The following BRD3 variants were observed in gnomAD, a reference collection of about 807,000 sequenced individuals.
BRD3 encodes the protein bromodomain-containing protein 3.
Under a neutral mutation model 66.8 loss-of-function variants are expected in BRD3, and 17 were observed. The observed-to-expected ratio is 0.25, with a 90% confidence interval of 0.17 to 0.38. The LOEUF (loss-of-function observed/expected upper bound fraction) is 0.38, where lower values mean the gene tolerates loss of function less well. Ranked by LOEUF, BRD3 falls within the 10% of genes least tolerant of loss-of-function variation. The pLI, the probability that BRD3 is intolerant of heterozygous loss-of-function variation, is 1.00. For missense variants in BRD3, 713 were observed against 956.1 expected (o/e 0.75, Z 3.35); for synonymous variants, 421 against 393.2 (o/e 1.07, Z -0.84).
intron 8 of BRD3, 25 bp downstream of exon 8, chr9:134,041,735 C>T (rs985046605): frequency 1.2e-6 from 2 of 1,604,338 alleles, no homozygotes; most frequent in Non-Finnish European, 1.7e-6. Flanking sequence ...GCCCCTGAAC[C>T]CCACCCAAGC....
chr9:134,048,038 G>A (rs202231410), intron 6 of BRD3, 45 bp downstream of exon 6: 155 of 1,504,758 alleles, frequency 1.0e-4, no homozygotes, highest in Non-Finnish European at 1.4e-4. Context: ...CCACGGCAGA[G>A]CCGCAGGACA....
chr9:134,047,614 C>T (rs1184256403), intron 6 of BRD3, among the ~76,000 whole-genome samples: 7 of 152,184 alleles, frequency 4.6e-5, no homozygotes, highest in East Asian at 1.9e-4. Flanking sequence ...GTCCCGCTTC[C>T]GTCTTGTGAG....
At chr9:134,047,608 C>T (rs1417514682) in intron 6 of BRD3, among the ~76,000 whole-genome samples, 6 of 152,312 alleles carry the variant, frequency 3.9e-5, no homozygotes, top group South Asian at 4.1e-4. Flanking sequence ...ACCCAGGTCC[C>T]GCTTCCGTCT....
At chr9:134,048,668 G>C (rs1042868361) in intron 5 of BRD3, among the ~76,000 whole-genome samples, 7 of 152,144 alleles carry the variant, frequency 4.6e-5, no homozygotes, top group African/African-American at 1.4e-4. Flanking sequence ...CTCTCCCTCA[G>C]GATCAACTCT....
intron 8 of BRD3, 83 bp from the exon 9 acceptor site, chr9:134,040,352 C>T (rs467379): frequency 0.31 from 463,744 of 1,475,580 alleles, 77,851 homozygotes; most frequent in East Asian, 0.6. Context: ...TTGGAGGGGG[C>T]TTGGGGCGAT....
rs571722053 is a variant in BRD3 at position 134,046,744 on chromosome 9, G to A, written c.1087-1323C>T. Among the ~76,000 whole-genome samples, 221 of 152,340 alleles carry A rather than the reference G, an allele frequency of 1.5e-3. 1 individual carries two copies. Among genetic ancestry groups the A allele is most frequent in the South Asian group, 2.1e-4 (1 of 4,830 alleles). On this transcript the variant is annotated intron_variant, in intron 6 of 11. Transcript: ENST00000303407. The stretch of plus-strand genomic sequence containing the variant: ...GCCACAGTCGCGGGCAGCAAGTGCT[G>A]CCACTGCACCTGGCTTCTCCCCATG...
chr9:134,058,214 GGGGCC>G lies in BRD3; in HGVS notation c.-113-4629_-113-4625del, dbSNP rs1236400096. 3.9e-5 allele frequency: 6 copies of G among 152,262 alleles called. No homozygotes were observed. The East Asian group carries it at 1.2e-3, about 29-fold the overall frequency. The allele number at this position is 152,262 out of a possible 1,614,324, so 9.4% of individuals were successfully genotyped here. Reference sequence around the variant, plus strand: ...GCTTCACTCATGCAAGGACATTCTGGGGGCCGGGACGTCCTAGCCAGTGGCTAGAA... The same window carrying G: ...GCTTCACTCATGCAAGGACATTCTGGGGGACGTCCTAGCCAGTGGCTAGAA... On this transcript the variant is annotated intron_variant, in intron 1 of 11. Coordinates refer to ENST00000303407, the MANE Select transcript of BRD3 (RefSeq NM_007371.4).
chr9:134,067,450 C>G (rs1830687592), intron 1 of BRD3, among the ~76,000 whole-genome samples: 1 of 149,444 alleles, frequency 6.7e-6, no homozygotes, highest in African/African-American at 2.4e-5. Flanking sequence ...GGGAAAGTGG[C>G]CCCGCGGAGC....
intron 1 of BRD3, among the ~76,000 whole-genome samples, chr9:134,064,076 G>A (rs1430910554): frequency 6.6e-6 from 1 of 152,218 alleles, no homozygotes; most frequent in Non-Finnish European, 1.5e-5. Flanking sequence ...ACAGACTGGT[G>A]CGAGACGCAG....
rs1356765174 is a variant in BRD3, at chr9:134,032,953, G to A, written c.*637C>T. Reference sequence around the variant, plus strand: ...ACACAGCCGCTCTGTTCCCTCCGAGGAGCTCCTGACATCACCACGAGCGGA... The same window carrying A: ...ACACAGCCGCTCTGTTCCCTCCGAGAAGCTCCTGACATCACCACGAGCGGA... On this transcript the variant is annotated 3_prime_UTR_variant, in exon 12 of 12. Transcript: ENST00000303407. 9 of 393,486 alleles carry A rather than the reference G, an allele frequency of 2.3e-5. No individual in the cohort carries two copies. Among genetic ancestry groups the A allele is most frequent in the African/African-American group, 1.7e-4 (8 of 48,058 alleles). The allele number at this position is 393,486 out of a possible 1,614,324, so 24.4% of individuals were successfully genotyped here. A position where few individuals can be genotyped will look rare whatever the true frequency, so the allele number is the denominator to read the frequency against.
chr9:134,036,621 A>G (rs1441149463), intron 9 of BRD3: 2 of 1,519,834 alleles, frequency 1.3e-6, no homozygotes, highest in African/African-American at 1.4e-5. Flanking sequence ...AAGAAGGCAA[A>G]AAAGGGGGAA....
intron 1 of BRD3, 90 bp downstream of exon 1, chr9:134,067,855 T>G: frequency 7.1e-6 from 1 of 140,504 alleles, no homozygotes; most frequent in African/African-American, 2.6e-5. Flanking sequence ...CGCGGGGCGC[T>G]CGGGGCCGCG....
chr9:134,040,284 G>A lies in BRD3; in HGVS notation c.1408-15C>T, dbSNP rs748127119. On this transcript the variant is annotated splice_polypyrimidine_tract_variant and intron_variant, in intron 8 of 11. Coordinates refer to ENST00000303407, the MANE Select transcript of BRD3 (RefSeq NM_007371.4). ...ACGGCCTTCAGCTGGAAAAGAGCGG[G>A]CGGCTGAGCAGGTGCTGGGCACGGC... 35 of 1,586,414 alleles carry A rather than the reference G, an allele frequency of 2.2e-5. No individual in the cohort carries two copies. Among genetic ancestry groups the A allele is most frequent in the Non-Finnish European group, 3.0e-5 (35 of 1,168,472 alleles).
intron 9 of BRD3, among the ~76,000 whole-genome samples, chr9:134,038,740 G>A (rs1367518162): frequency 1.3e-5 from 2 of 152,158 alleles, no homozygotes; most frequent in Non-Finnish European, 2.9e-5. Flanking sequence ...GCTCACTGGA[G>A]CATTTCAGAT....
chr9:134,057,284 G>C (rs1167413273), intron 1 of BRD3: 3 of 152,230 alleles, frequency 2.0e-5, no homozygotes, highest in Admixed American at 1.3e-4. Context: ...GAAGGACGGT[G>C]GTGGGGTCAC....
chr9:134,052,420 G>C lies in BRD3; in HGVS notation c.237C>G (p.Asn79Lys). Residue 79 changes from asparagine to lysine, a missense_variant, in exon 3 of 12, where the codon AAC becomes AAG. Coordinates refer to ENST00000303407, the MANE Select transcript of BRD3 (RefSeq NM_007371.4). ...TCTTAATAGTCCCCATATCCATTGG[G>C]TTTTTAATTATTTTATGATAATCCT... ...NLPDYHKIIK[N>K]PMDMGTIKKR... is the part of the protein sequence containing the mutation. 6.2e-7 allele frequency: 1 copy of C among 1,607,446 alleles called. No individual in the cohort carries two copies. The highest frequency in any genetic ancestry group is 8.5e-7 in the Non-Finnish European group (1 of 1,178,058).
At position 134,067,428 on chromosome 9, in the gene BRD3, G is replaced by A. The variant is rs1348004739; in HGVS notation, c.-114+517C>T. Among the ~76,000 whole-genome samples, 15 of 150,210 alleles carry A rather than the reference G, an allele frequency of 1.0e-4. No individual in the cohort carries two copies. The South Asian group carries it at 2.7e-3, about 27-fold the overall frequency. On this transcript the variant is annotated intron_variant, in intron 1 of 11. Coordinates refer to ENST00000303407, the MANE Select transcript of BRD3 (RefSeq NM_007371.4). ...GCAACGGCTCGGGAGCGAGGCCGGC[G>A]GAACAGGCGCGGGGAAAGTGGCCCC...
chr9:134,042,053 C>T, intron 7 of BRD3, 102 bp from the exon 8 acceptor site: 1 of 1,305,092 alleles, frequency 7.7e-7, no homozygotes, highest in South Asian at 1.6e-5. Flanking sequence ...GCAGCACCCA[C>T]AGCTGTTACG....
At chr9:134,051,431 G>A in intron 4 of BRD3, 131 bp downstream of exon 4, 1 of 973,748 alleles carries the variant, frequency 1.0e-6, no homozygotes, top group Non-Finnish European at 1.4e-6. Flanking sequence ...ACTCATCCAA[G>A]ACCCGGCACC....
Sources: allele counts gnomAD v4.1 joint callset (sites outside exome capture counted in the v4.1 genomes callset), GRCh38; gene constraint gnomAD v4.1.1; transcripts MANE v1.5; gene names NCBI Gene and HGNC (gene_info 2026-07-23, HGNC 2026-07-21).